MKRN2: variants seen among roughly 807,000 people sequenced by gnomAD.
MKRN2 encodes E3 ubiquitin-protein ligase makorin-2.
A neutral mutation model predicts 45.4 loss-of-function variants in MKRN2; 32 were observed. The ratio of observed to expected loss-of-function variants is 0.70; its 90% CI spans 0.53 to 0.95. The LOEUF is 0.95. Among genes scored for constraint, MKRN2 ranks in the 40% least tolerant of loss-of-function variants. The pLI, the probability that MKRN2 is intolerant of heterozygous loss-of-function variation, is 0.00. For missense variants in MKRN2, 526 were observed against 536.7 expected (o/e 0.98, Z 0.20); for synonymous variants, 206 against 192.4 (o/e 1.07, Z -0.59).
chr3:12,568,806 C>G (rs990986079), intron 1 of MKRN2, 69 bp from the exon 2 acceptor site: 1 of 1,567,810 alleles, frequency 6.4e-7, no homozygotes, highest in East Asian at 2.2e-5. Context: ...ATGCTAAGTT[C>G]AAGAATAAGC....
chr3:12,571,360 C>T (rs1264320966), intron 3 of MKRN2, among the ~76,000 whole-genome samples: 5 of 152,132 alleles, frequency 3.3e-5, no homozygotes, highest in East Asian at 1.9e-4. Flanking sequence ...CCGCCCGCCT[C>T]GGCCTCCCAA....
intron 1 of MKRN2, among the ~76,000 whole-genome samples, chr3:12,559,634 T>A (rs1281534398): frequency 6.6e-6 from 1 of 152,170 alleles, no homozygotes; most frequent in Non-Finnish European, 1.5e-5. Context: ...CACTCCATGT[T>A]TTTATTGCCT....
At chr3:12,567,880 T>C (rs1449829437) in intron 1 of MKRN2, among the ~76,000 whole-genome samples, 1 of 152,194 alleles carries the variant, frequency 6.6e-6, no homozygotes, top group Non-Finnish European at 1.5e-5. Flanking sequence ...TGGACAGAGT[T>C]AGCCTCCCAG....
At chr3:12,564,009 G>A (rs9814894) in intron 1 of MKRN2, among the ~76,000 whole-genome samples, 6,574 of 151,148 alleles carry the variant, frequency 0.043, 490 homozygotes, top group African/African-American at 0.15. Flanking sequence ...GCAGTGGCGT[G>A]ATCTTGGCTC....
Position 12,582,530 on chromosome 3 carries a change from CTGTT to C in MKRN2, c.*280_*283del. 2 of 336,774 alleles carry C rather than the reference CTGTT, an allele frequency of 5.9e-6. No individual in the cohort carries two copies. Among genetic ancestry groups the C allele is most frequent in the South Asian group, 7.0e-5 (1 of 14,358 alleles). 20.9% of individuals were successfully genotyped at this position (336,774 alleles called of 1,614,324 possible). On this transcript the variant is annotated 3_prime_UTR_variant, in exon 8 of 8. Transcript: ENST00000170447. ...GGGTAACAACTAACAAACACCCAAA[CTGTT>C]TGGATTGATTGCTTTAAAAAACAAA...
In MKRN2 at chr3:12,572,379, G is replaced by T. The variant is rs1226393210; in HGVS notation, c.642+6G>T. ...AGAGGAAGGCTCATGAAAAGGTAAA[G>T]TCACAAACCTTTGCATGAACTCATG... On this transcript the variant is annotated splice_donor_region_variant and intron_variant, in intron 4 of 7. Coordinates refer to ENST00000170447, the MANE Select transcript of MKRN2 (RefSeq NM_014160.5). 6.5e-7 allele frequency: 1 copy of T among 1,547,046 alleles called. No individual in the cohort carries two copies. Among genetic ancestry groups the T allele is most frequent in the Admixed American group, 2.0e-5 (1 of 51,198 alleles).
rs1186430060 is a variant in MKRN2 at position 12,570,131 on chromosome 3, T to C, written c.216T>C (p.Ser72=). 1 of 1,614,082 alleles carries C rather than the reference T, an allele frequency of 6.2e-7. No homozygotes were observed. The highest frequency in any genetic ancestry group is 1.7e-5 in the Admixed American group (1 of 60,022). ...GTGCTGTGGGCACCATGGCCCACAG[T>C]GTGCCCTCCCCAGCTTTCCACAGTC... ...AGGAVGTMAH[S]VPSPAFHSPH... is the part of the protein sequence containing the mutation. Residue 72 remains serine (S), a synonymous_variant, in exon 3 of 8, where the codon AGT becomes AGC. Coordinates refer to ENST00000170447, the MANE Select transcript of MKRN2 (RefSeq NM_014160.5).
At chr3:12,566,218 G>T (rs2058068347) in intron 1 of MKRN2, among the ~76,000 whole-genome samples, 1 of 152,128 alleles carries the variant, frequency 6.6e-6, no homozygotes, top group Non-Finnish European at 1.5e-5. Context: ...TTTGCCTGAG[G>T]TTCTACTCCC....
At chr3:12,579,116 C>G (rs1377912872) in intron 6 of MKRN2, among the ~76,000 whole-genome samples, 1 of 152,098 alleles carries the variant, frequency 6.6e-6, no homozygotes, top group Non-Finnish European at 1.5e-5. Flanking sequence ...ACTGAGTACT[C>G]ACTATGGGTC....
rs1326608835 is a variant in MKRN2 at position 12,583,598 on chromosome 3, C to T, written c.*1345C>T. 4.4e-6 allele frequency: 1 copy of T among 229,270 alleles called. No individual in the cohort carries two copies. The highest frequency in any genetic ancestry group is 8.6e-6 in the Non-Finnish European group (1 of 115,792). The allele number at this position is 229,270 out of a possible 1,614,324, so 14.2% of individuals were successfully genotyped here. A position where few individuals can be genotyped will look rare whatever the true frequency, so the allele number is the denominator to read the frequency against. ...TACTTTAAAAGGAGGTAACAGCCAGCCATTACACCTAAATTTAATTTATTT... is the reference window on the plus strand; with the variant it reads ...TACTTTAAAAGGAGGTAACAGCCAGTCATTACACCTAAATTTAATTTATTT... On this transcript the variant is annotated 3_prime_UTR_variant, in exon 8 of 8. Coordinates refer to ENST00000170447, the MANE Select transcript of MKRN2 (RefSeq NM_014160.5).
chr3:12,577,800 C>T (rs771883024), intron 6 of MKRN2, among the ~76,000 whole-genome samples: 5 of 152,056 alleles, frequency 3.3e-5, no homozygotes, highest in Admixed American at 1.3e-4. Flanking sequence ...CTCAGCCTCC[C>T]GAGTAGCAGG....
rs1369092980 is a variant in MKRN2 at position 12,576,723 on chromosome 3, C to T, written c.950C>T (p.Ala317Val). ...DQNKKNELIE[A>V]FKQGMGKKAC... is the part of the protein sequence containing the mutation. ...AATAAAAAGAACGAGTTGATTGAAGCTTTCAAACAGGGGATGGGGTAAGTG... is the reference window on the plus strand; with the variant it reads ...AATAAAAAGAACGAGTTGATTGAAGTTTTCAAACAGGGGATGGGGTAAGTG... The change falls in exon 6 of 8, where the codon GCT becomes GTT. Residue 317 changes from alanine to valine, a missense_variant. Ala to Val is a moderately conservative substitution (Grantham distance 64, BLOSUM62 0). Coordinates refer to ENST00000170447, the MANE Select transcript of MKRN2 (RefSeq NM_014160.5). 1.2e-6 allele frequency: 2 copies of T among 1,603,220 alleles called. No homozygotes were observed. Among genetic ancestry groups the T allele is most frequent in the South Asian group, 2.2e-5 (2 of 90,844 alleles).
intron 5 of MKRN2, 134 bp downstream of exon 5, chr3:12,575,140 C>T (rs1273537893): frequency 9.1e-6 from 7 of 767,086 alleles, no homozygotes; most frequent in Non-Finnish European, 1.5e-5. Flanking sequence ...GCATGAACTT[C>T]AGCAAGTCAT....
In MKRN2 at chr3:12,583,698, C is replaced by T. The variant is rs922270477; in HGVS notation, c.*1445C>T. Reference sequence around the variant, plus strand: ...GTGCAATAAAAACAAAATTAAAACCCAAATCATCAAGAAAACCTGTATTCC... The same window carrying T: ...GTGCAATAAAAACAAAATTAAAACCTAAATCATCAAGAAAACCTGTATTCC... On this transcript the variant is annotated 3_prime_UTR_variant, in exon 8 of 8. Coordinates refer to ENST00000170447, the MANE Select transcript of MKRN2 (RefSeq NM_014160.5). 1 of 233,340 alleles carries T rather than the reference C, an allele frequency of 4.3e-6. No individual in the cohort carries two copies. The highest frequency in any genetic ancestry group is 2.2e-5 in the African/African-American group (1 of 45,334). The allele number at this position is 233,340 out of a possible 1,614,324, so 14.5% of individuals were successfully genotyped here.
At chr3:12,579,041 T>C (rs1206464386) in intron 6 of MKRN2, among the ~76,000 whole-genome samples, 1 of 152,156 alleles carries the variant, frequency 6.6e-6, no homozygotes, top group Non-Finnish European at 1.5e-5. Context: ...TTGTTATTGC[T>C]ATTTGGATCT....
At position 12,576,349 on chromosome 3, in the gene MKRN2, T is replaced by C. The variant is rs75461380; in HGVS notation, c.858-282T>C. On this transcript the variant is annotated intron_variant, in intron 5 of 7. Transcript: ENST00000170447. ...AACCCATCACCTAGGTTTTCAGCCA[T>C]GCATGCATTAGCTGTTTGTGCTGAT... 2.6e-3 allele frequency among the ~76,000 whole-genome samples: 399 copies of C among 152,220 alleles called. 11 individuals are homozygous for C. In the East Asian group the frequency reaches 0.074, roughly 28 times the overall value.
rs1296796648 is a variant in MKRN2 at position 12,582,301 on chromosome 3, C to G, written c.*48C>G. ...CTTGGGCTCCATCGGCCGAAACTTT[C>G]CCAAGCCAGGGTGTGCGGAGCTTCC... On this transcript the variant is annotated 3_prime_UTR_variant, in exon 8 of 8. Transcript: ENST00000170447. 2 of 1,608,130 alleles carry G rather than the reference C, an allele frequency of 1.2e-6. No individual in the cohort carries two copies. The highest frequency in any genetic ancestry group is 1.7e-6 in the Non-Finnish European group (2 of 1,175,610).
intron 1 of MKRN2, among the ~76,000 whole-genome samples, chr3:12,562,774 C>T (rs1050384068): frequency 1.3e-5 from 2 of 151,926 alleles, no homozygotes; most frequent in Admixed American, 6.6e-5. Context: ...GAGGGATCTA[C>T]GTTGTGTGCT....
intron 1 of MKRN2, among the ~76,000 whole-genome samples, chr3:12,567,353 C>T (rs2058074467): frequency 6.6e-6 from 1 of 151,744 alleles, no homozygotes; most frequent in African/African-American, 2.4e-5. Flanking sequence ...CTACTGCAGC[C>T]TTGAACTCCT....
Sources: allele counts gnomAD v4.1 joint callset (sites outside exome capture counted in the v4.1 genomes callset), GRCh38; gene constraint gnomAD v4.1.1; transcripts MANE v1.5; gene names NCBI Gene and HGNC (gene_info 2026-07-23, HGNC 2026-07-21).